ASB13: variants seen among roughly 807,000 people sequenced by gnomAD.
The protein encoded by ASB13 is ankyrin repeat and SOCS box protein 13.
A neutral mutation model predicts 28.8 loss-of-function variants in ASB13; 33 were observed. That is an observed-to-expected ratio of 1.15 (90% confidence interval 0.87 to 1.53). The LOEUF is 1.53. Among genes scored for constraint, ASB13 ranks in the 40% most tolerant of loss-of-function variants. ASB13 has a pLI of 0.00. For synonymous variants in ASB13, 182 were observed against 172.9 expected, an observed-to-expected ratio of 1.05 and a Z score of -0.41; for missense variants, 414 against 390.1, an observed-to-expected ratio of 1.06 and a Z score of -0.52.
At position 5,642,580 on chromosome 10, in the gene ASB13, A is replaced by AAT. The variant is rs397695670; in HGVS notation, c.518-620_518-619insAT. 7.8e-4 allele frequency: 918 copies of AAT among 1,174,852 alleles called. 2 individuals are homozygous for AAT. Among genetic ancestry groups the AAT allele is most frequent in the Middle Eastern group, 1.4e-3 (6 of 4,214 alleles). The allele number at this position is 1,174,852 out of a possible 1,614,324, so 72.8% of individuals were successfully genotyped here. A position where few individuals can be genotyped will look rare whatever the true frequency, so the allele number is the denominator to read the frequency against. On this transcript the variant is annotated intron_variant, in intron 4 of 5. Coordinates refer to ENST00000357700, the MANE Select transcript of ASB13 (RefSeq NM_024701.4). This position sits in a 1 kb window ranked among gnomAD's most constrained non-coding sequence, Gnocchi z 4.1. ...TGATTAAAAGTAAAGGTAAAAAAAA[A>AAT]TTTTTTTTTAAAAAAAAGAGCAGAC...
intron 1 of ASB13, 71 bp downstream of exon 1, chr10:5,666,438 A>G: frequency 8.2e-7 from 1 of 1,220,140 alleles, no homozygotes; most frequent in South Asian, 2.6e-5. Flanking sequence ...GGCGCAGGCC[A>G]TCGGATACGC....
chr10:5,649,674 C>T lies in ASB13; in HGVS notation c.383-570G>A, dbSNP rs916074112. On this transcript the variant is annotated intron_variant, in intron 3 of 5. Transcript: ENST00000357700. The surrounding 1 kb of genome is among the most constrained non-coding windows in gnomAD (Gnocchi z 6.4). ...CCAAATAGCTGGAATTACAGGCATGCACCACCGTGCCCGACTAATTTTTTT... is the reference window on the plus strand; with the variant it reads ...CCAAATAGCTGGAATTACAGGCATGTACCACCGTGCCCGACTAATTTTTTT... Among the ~76,000 whole-genome samples the T allele has an allele frequency of 6.6e-6, 1 of 151,956 alleles. No homozygotes were observed. The highest frequency in any genetic ancestry group is 2.4e-5 in the African/African-American group (1 of 41,362).
intron 1 of ASB13, among the ~76,000 whole-genome samples, chr10:5,665,837 G>C (rs1432009811): frequency 6.6e-6 from 1 of 151,682 alleles, no homozygotes; most frequent in Non-Finnish European, 1.5e-5. Context: ...TGCTTCCGTC[G>C]CTCATTTCAG....
Position 5,640,617 on chromosome 10 carries a change from C to A in ASB13, c.*86G>T, listed in dbSNP as rs572095270. On this transcript the variant is annotated 3_prime_UTR_variant, in exon 6 of 6. Coordinates refer to ENST00000357700, the MANE Select transcript of ASB13 (RefSeq NM_024701.4). ...AGCGTTGTTCTATCTACAGCAATCA[C>A]GCTGCTTCAGAGGAACAGGCAGAGC... 494 of 1,550,542 alleles carry A rather than the reference C, an allele frequency of 3.2e-4. 4 individuals are homozygous for A. The South Asian group carries it at 5.5e-3, about 17-fold the overall frequency.
rs1356069114 is a variant in ASB13, at chr10:5,650,961, G to A, written c.382+252C>T. On this transcript the variant is annotated intron_variant, in intron 3 of 5. Transcript: ENST00000357700. The surrounding 1 kb of genome is among the most constrained non-coding windows in gnomAD (Gnocchi z 6.0). ...CCCTGCTAACGTGGAGAGGCCCAGGGAACCCTGGCTTGGACACAGAATCCT... is the reference window on the plus strand; with the variant it reads ...CCCTGCTAACGTGGAGAGGCCCAGGAAACCCTGGCTTGGACACAGAATCCT... Among the ~76,000 whole-genome samples, 1 of 152,146 alleles carries A rather than the reference G, an allele frequency of 6.6e-6. No homozygotes were observed. The highest frequency in any genetic ancestry group is 1.5e-5 in the Non-Finnish European group (1 of 68,012).
intron 1 of ASB13, among the ~76,000 whole-genome samples, chr10:5,657,417 T>TAA (rs148936432): frequency 9.1e-5 from 13 of 143,316 alleles, no homozygotes; most frequent in African/African-American, 2.3e-4. Flanking sequence ...GCCACAAACA[T>TAA]AAAAAAAAAA....
rs1834824114 is a variant in ASB13, at chr10:5,642,502, G to A, written c.518-541C>T. On this transcript the variant is annotated intron_variant, in intron 4 of 5. Coordinates refer to ENST00000357700, the MANE Select transcript of ASB13 (RefSeq NM_024701.4). The surrounding 1 kb of genome is among the most constrained non-coding windows in gnomAD (Gnocchi z 4.1). ...AACAGTAGGCAATTCAGAGAAGAGA[G>A]TAAGCTCTGCACTCCTCAACTTTCT... is the stretch of plus-strand genomic sequence containing the variant. 2 of 1,220,082 alleles carry A rather than the reference G, an allele frequency of 1.6e-6. No homozygotes were observed. Among genetic ancestry groups the A allele is most frequent in the East Asian group, 6.2e-5 (1 of 16,138 alleles). The allele number at this position is 1,220,082 out of a possible 1,614,324, so 75.6% of individuals were successfully genotyped here. A position where few individuals can be genotyped will look rare whatever the true frequency, so the allele number is the denominator to read the frequency against.
chr10:5,642,293 G>A lies in ASB13; in HGVS notation c.518-332C>T, dbSNP rs1834820499. The stretch of plus-strand genomic sequence containing the variant: ...ATCAATCTGCCTTCAGGGGTCCTGA[G>A]ATTTCCGGAAGCTCAAACCAGAGCC... On this transcript the variant is annotated intron_variant, in intron 4 of 5. Transcript: ENST00000357700. This position sits in a 1 kb window ranked among gnomAD's most constrained non-coding sequence, Gnocchi z 4.1. 6.6e-6 allele frequency among the ~76,000 whole-genome samples: 1 copy of A among 152,174 alleles called. No individual in the cohort carries two copies. The highest frequency in any genetic ancestry group is 1.5e-5 in the Non-Finnish European group (1 of 68,032).
Position 5,651,255 on chromosome 10 carries a change from G to C in ASB13, c.340C>G (p.Pro114Ala), listed in dbSNP as rs1834978961. ...LLSYGAKVNPPLYTASPLHEA... is the reference protein window; with the variant it reads ...LLSYGAKVNPALYTASPLHEA... ...TGCAGGGGGGACGCTGTGTACAGGG[G>C]AGGGTTGACCTTGGCCCCGTAGGAC... is the stretch of plus-strand genomic sequence containing the variant. The change falls in exon 3 of 6, where the codon CCC (proline) becomes GCC (alanine). Residue 114 changes from proline (P) to alanine (A), a missense_variant. By Grantham distance (27) the Pro-to-Ala change is conservative (BLOSUM62 -1). Transcript: ENST00000357700. The surrounding 1 kb of genome is among the most constrained non-coding windows in gnomAD (Gnocchi z 5.1). The C allele has an allele frequency of 6.2e-7, 1 of 1,613,978 alleles. No homozygotes were observed. The highest frequency in any genetic ancestry group is 1.3e-5 in the African/African-American group (1 of 74,926).
rs990183660 is a variant in ASB13, at chr10:5,654,491, T to G, written c.44-1441A>C. On this transcript the variant is annotated intron_variant, in intron 1 of 5. Transcript: ENST00000357700. ...GCCGGGCTTAGTCATGTTTCTTTATTGTCTAAACCAGGTGCAGACAAAAGC... is the reference window on the plus strand; with the variant it reads ...GCCGGGCTTAGTCATGTTTCTTTATGGTCTAAACCAGGTGCAGACAAAAGC... Among the ~76,000 whole-genome samples, 4 of 152,350 alleles carry G rather than the reference T, an allele frequency of 2.6e-5. No individual in the cohort carries two copies. The East Asian group carries it at 7.7e-4, about 29-fold the overall frequency.
At chr10:5,647,348 G>C (rs997383896) in intron 4 of ASB13, among the ~76,000 whole-genome samples, 1 of 152,202 alleles carries the variant, frequency 6.6e-6, no homozygotes, top group Non-Finnish European at 1.5e-5. Context: ...AAACATTTAA[G>C]TTGGGTTGAT....
In ASB13 at chr10:5,663,587, C is replaced by T. The variant is rs769452331; in HGVS notation, c.43+2922G>A. On this transcript the variant is annotated intron_variant, in intron 1 of 5. Transcript: ENST00000357700. The surrounding 1 kb of genome is among the most constrained non-coding windows in gnomAD (Gnocchi z 4.9). ...TGTCTCAGTTAAGGGACCTGAGGGA[C>T]GCTTTTCACCCTAAATCACCTAAGC... is the stretch of plus-strand genomic sequence containing the variant. Among the ~76,000 whole-genome samples, 9 of 152,160 alleles carry T rather than the reference C, an allele frequency of 5.9e-5. No homozygotes were observed. The highest frequency in any genetic ancestry group is 1.3e-4 in the Admixed American group (2 of 15,274).
At chr10:5,646,552 C>T (rs573007904) in intron 4 of ASB13, among the ~76,000 whole-genome samples, 11 of 152,198 alleles carry the variant, frequency 7.2e-5, no homozygotes, top group South Asian at 4.1e-4. Context: ...AGAATCGCAA[C>T]GTTCAAAGAA....
At position 5,641,851 on chromosome 10, in the gene ASB13, C is replaced by G. The variant is rs747536821; in HGVS notation, c.628G>C (p.Ala210Pro). The G allele has an allele frequency of 2.5e-6, 4 of 1,613,794 alleles. No individual in the cohort carries two copies. The Admixed American group carries it at 6.7e-5, about 27-fold the overall frequency. ...GGCTTCTTCCCGCGGTTGTCCCGGG[C>G]GTAGATGTTGCCGCCAAACTCGATA... ...MLIEFGGNIYARDNRGKKPSD... is the reference protein window; with the variant it reads ...MLIEFGGNIYPRDNRGKKPSD... Residue 210 changes from alanine to proline, a missense_variant, in exon 5 of 6, where the codon GCC becomes CCC. Transcript: ENST00000357700. This position sits in a 1 kb window ranked among gnomAD's most constrained non-coding sequence, Gnocchi z 8.4.
rs752670204 is a variant in ASB13, at chr10:5,656,175, A to T, written c.44-3125T>A. Among the ~76,000 whole-genome samples the T allele has an allele frequency of 1.1e-3, 173 of 152,316 alleles. No homozygotes were observed. Among genetic ancestry groups the T allele is most frequent in the Non-Finnish European group, 1.7e-3 (117 of 68,028 alleles). ...CCAGAACCTGGCACTGTCCAAGAAGATGCTGGTATCCACGTGGTTGCTCAG... is the reference window on the plus strand; with the variant it reads ...CCAGAACCTGGCACTGTCCAAGAAGTTGCTGGTATCCACGTGGTTGCTCAG... On this transcript the variant is annotated intron_variant, in intron 1 of 5. Transcript: ENST00000357700. The surrounding 1 kb of genome is among the most constrained non-coding windows in gnomAD (Gnocchi z 4.3).
Position 5,650,672 on chromosome 10 carries a change from G to A in ASB13, c.382+541C>T, listed in dbSNP as rs1197173063. Among the ~76,000 whole-genome samples the A allele has an allele frequency of 2.0e-5, 3 of 152,232 alleles. No homozygotes were observed. Among genetic ancestry groups the A allele is most frequent in the Non-Finnish European group, 4.4e-5 (3 of 68,044 alleles). ...CTCTGCTCCACTGGGAGCTTCTGAT[G>A]CAGTAAGATAGGACAAGGAATGTTC... is the stretch of plus-strand genomic sequence containing the variant. On this transcript the variant is annotated intron_variant, in intron 3 of 5. Transcript: ENST00000357700. The surrounding 1 kb of genome is among the most constrained non-coding windows in gnomAD (Gnocchi z 6.0).
rs553148785 is a variant in ASB13, at chr10:5,663,601, A to G, written c.43+2908T>C. On this transcript the variant is annotated intron_variant, in intron 1 of 5. Transcript: ENST00000357700. This position sits in a 1 kb window ranked among gnomAD's most constrained non-coding sequence, Gnocchi z 4.9. ...GACCTGAGGGACGCTTTTCACCCTA[A>G]ATCACCTAAGCCTCAGTTTCCTTAG... Among the ~76,000 whole-genome samples, 1 of 152,216 alleles carries G rather than the reference A, an allele frequency of 6.6e-6. No homozygotes were observed. The highest frequency in any genetic ancestry group is 6.5e-5 in the Admixed American group (1 of 15,288).
intron 4 of ASB13, among the ~76,000 whole-genome samples, chr10:5,646,298 A>G (rs1834885435): frequency 6.6e-6 from 1 of 152,142 alleles, no homozygotes; most frequent in South Asian, 2.1e-4. Flanking sequence ...GCCTAGTCCA[A>G]TCCCTCTCCC....
chr10:5,662,613 G>GAAGAA (rs1554744178), intron 1 of ASB13, among the ~76,000 whole-genome samples: 29 of 149,042 alleles, frequency 1.9e-4, no homozygotes, highest in Non-Finnish European at 3.3e-4. Flanking sequence ...GAAGAGAAGA[G>GAAGAA]AAGAGAAGAG....
Sources: allele counts gnomAD v4.1 joint callset (sites outside exome capture counted in the v4.1 genomes callset), GRCh38; gene constraint gnomAD v4.1.1; non-coding constraint Gnocchi (gnomAD v3.1); transcripts MANE v1.5; gene names NCBI Gene and HGNC (gene_info 2026-07-23, HGNC 2026-07-21).